Variants in HOMER1 observed in about 807,000 individuals in gnomAD.
HOMER1 encodes homer scaffold protein 1, also known as homer protein homolog 1.
A neutral mutation model predicts 48.9 loss-of-function variants in HOMER1; 3 were observed. The ratio of observed to expected loss-of-function variants is 0.06; its 90% CI spans 0.03 to 0.16. The LOEUF (loss-of-function observed/expected upper bound fraction) is 0.16. Among genes scored for constraint, HOMER1 ranks in the 10% least tolerant of loss-of-function variants. The pLI is 1.00. For synonymous variants in HOMER1, 134 were observed against 146.4 expected, an observed-to-expected ratio of 0.92 and a Z score of 0.61; for missense variants, 247 against 411.4, an observed-to-expected ratio of 0.60 and a Z score of 3.46.
chr5:79,460,623 T>C (rs371045454), intron 1 of HOMER1, among the ~76,000 whole-genome samples: 6 of 152,084 alleles, frequency 3.9e-5, no homozygotes, highest in South Asian at 2.1e-4. Flanking sequence ...AAGTAATAGA[T>C]TGGATATAGG....
intron 1 of HOMER1, among the ~76,000 whole-genome samples, chr5:79,463,043 AAAGTATTCT>A (rs1334964265): frequency 1.3e-5 from 2 of 152,248 alleles, no homozygotes; most frequent in Non-Finnish European, 2.9e-5. Context: ...AAGTAGCCTG[AAAGTATTCT>A]AAGTATTCTA....
At chr5:79,480,296 T>TTATA (rs146876453) in intron 1 of HOMER1, among the ~76,000 whole-genome samples, 3 of 152,106 alleles carry the variant, frequency 2.0e-5, no homozygotes, top group African/African-American at 4.8e-5. Flanking sequence ...TGTAAACACC[T>TTATA]TATATATATA....
chr5:79,411,900 T>G (rs931375678), intron 5 of HOMER1, among the ~76,000 whole-genome samples: 2 of 151,984 alleles, frequency 1.3e-5, no homozygotes. Flanking sequence ...GGGTGGATCA[T>G]TTGAGGCCAG....
At chr5:79,403,776 G>A (rs1749590856) in intron 5 of HOMER1, among the ~76,000 whole-genome samples, 1 of 152,080 alleles carries the variant, frequency 6.6e-6, no homozygotes, top group Non-Finnish European at 1.5e-5. Context: ...GTGTATACGG[G>A]CACTCTGTAC....
chr5:79,446,923 G>A, intron 4 of HOMER1, 130 bp downstream of exon 4: 3 of 609,362 alleles, frequency 4.9e-6, no homozygotes, highest in East Asian at 5.7e-5. Context: ...CAAAGTCCTG[G>A]GATTACAGGT....
intron 1 of HOMER1, among the ~76,000 whole-genome samples, chr5:79,484,930 T>G (rs2112347791): frequency 6.6e-6 from 1 of 152,084 alleles, no homozygotes; most frequent in East Asian, 1.9e-4. Context: ...GCTCAAGGTT[T>G]TGAAAAAGTA....
At chr5:79,486,905 G>A (rs141651796) in intron 1 of HOMER1, among the ~76,000 whole-genome samples, 3 of 152,192 alleles carry the variant, frequency 2.0e-5, no homozygotes, top group Non-Finnish European at 4.4e-5. Context: ...TACAGAGAAC[G>A]TATCAGAAGG....
intron 1 of HOMER1, among the ~76,000 whole-genome samples, chr5:79,461,712 G>A (rs1301427942): frequency 6.6e-6 from 1 of 152,066 alleles, no homozygotes; most frequent in African/African-American, 2.4e-5. Context: ...ATATCTCACT[G>A]AAAGTTGGTC....
intron 1 of HOMER1, among the ~76,000 whole-genome samples, chr5:79,478,523 T>C (rs1751851849): frequency 6.6e-6 from 1 of 151,132 alleles, no homozygotes; most frequent in East Asian, 1.9e-4. Context: ...ACTTCGTCTC[T>C]ACTAAAATAC....
intron 5 of HOMER1, 34 bp downstream of exon 5, chr5:79,438,976 T>C (rs746443655): frequency 1.3e-6 from 2 of 1,591,322 alleles, no homozygotes; most frequent in South Asian, 2.2e-5. Flanking sequence ...ATTTACACAT[T>C]TACTTAATCA....
At chr5:79,465,014 C>T (rs1463357599) in intron 1 of HOMER1, among the ~76,000 whole-genome samples, 2 of 151,880 alleles carry the variant, frequency 1.3e-5, no homozygotes, top group Non-Finnish European at 1.5e-5. Flanking sequence ...ATAGAAGTAT[C>T]GAGACTTCTG....
intron 5 of HOMER1, among the ~76,000 whole-genome samples, chr5:79,425,561 A>G (rs957853743): frequency 1.3e-5 from 2 of 152,096 alleles, no homozygotes; most frequent in African/African-American, 4.8e-5. Flanking sequence ...GACTTCGAAG[A>G]TAAAGTACAG....
intron 5 of HOMER1, among the ~76,000 whole-genome samples, chr5:79,409,000 T>C (rs1021274788): frequency 2.1e-5 from 3 of 145,942 alleles, no homozygotes; most frequent in African/African-American, 7.9e-5. Flanking sequence ...GAGAACTGCT[T>C]GAACCTAGGA....
At position 79,379,355 on chromosome 5, in the gene HOMER1, TATAA is replaced by T. The variant is rs1156430137; in HGVS notation, c.877-3162_877-3159del. Among the ~76,000 whole-genome samples the T allele has an allele frequency of 7.9e-4, 90 of 113,280 alleles. 1 individual carries two copies. Among genetic ancestry groups the T allele is most frequent in the African/African-American group, 2.5e-3 (70 of 28,274 alleles). 74.3% of individuals were successfully genotyped at this position (113,280 alleles called of 152,430 possible). A position where few individuals can be genotyped will look rare whatever the true frequency, so the allele number is the denominator to read the frequency against. On this transcript the variant is annotated intron_variant, in intron 8 of 8. Coordinates refer to ENST00000334082, the MANE Select transcript of HOMER1 (RefSeq NM_004272.5). The stretch of plus-strand genomic sequence containing the variant: ...ATATATTTATATATTTTATATATTA[TATAA>T]ATATTTATATATATTTATATATTTT...
intron 8 of HOMER1, among the ~76,000 whole-genome samples, chr5:79,390,937 T>C (rs1162231078): frequency 2.0e-5 from 3 of 151,350 alleles, no homozygotes; most frequent in African/African-American, 2.4e-5. Flanking sequence ...CTTAAAGCAA[T>C]GATCAGAGGA....
intron 1 of HOMER1, among the ~76,000 whole-genome samples, chr5:79,497,627 G>A (rs1314106157): frequency 6.9e-6 from 1 of 145,928 alleles, no homozygotes; most frequent in African/African-American, 2.6e-5. Context: ...ATCGTGTACT[G>A]CAGCCCAGGA....
chr5:79,433,665 T>C (rs1750486236), intron 5 of HOMER1, among the ~76,000 whole-genome samples: 1 of 152,228 alleles, frequency 6.6e-6, no homozygotes, highest in South Asian at 2.1e-4. Flanking sequence ...TATTTTGGTG[T>C]TTTTGTATTT....
intron 1 of HOMER1, among the ~76,000 whole-genome samples, chr5:79,471,551 GAAAA>G (rs55724615): frequency 3.1e-5 from 3 of 97,680 alleles, no homozygotes; most frequent in East Asian, 5.9e-4. Flanking sequence ...CCATCTCAAA[GAAAA>G]AAAAAAAAAA....
At chr5:79,407,783 C>A (rs1234567266) in intron 5 of HOMER1, among the ~76,000 whole-genome samples, 4 of 151,964 alleles carry the variant, frequency 2.6e-5, no homozygotes, top group Non-Finnish European at 5.9e-5. Flanking sequence ...TGAGTATTTT[C>A]AAAAAATAAA....
Sources: allele counts gnomAD v4.1 joint callset (sites outside exome capture counted in the v4.1 genomes callset), GRCh38; gene constraint gnomAD v4.1.1; transcripts MANE v1.5; gene names NCBI Gene and HGNC (gene_info 2026-07-23, HGNC 2026-07-21).